Variants in SSBP2 observed in about 807,000 individuals in gnomAD.
SSBP2 encodes single-stranded DNA-binding protein 2.
A neutral mutation model predicts 61.8 loss-of-function variants in SSBP2; 17 were observed. The observed-to-expected ratio is 0.28, with a 90% CI of 0.19 to 0.41. SSBP2 has a LOEUF of 0.41. Among genes scored for constraint, SSBP2 ranks in the 10% least tolerant of loss-of-function variants. The probability of loss-of-function intolerance (pLI) is 1.00; values close to 1 mark genes in which losing one functional copy is unlikely to be tolerated. For synonymous variants in SSBP2, 139 were observed against 141.3 expected, an observed-to-expected ratio of 0.98 and a Z score of 0.12; for missense variants, 310 against 458.7, an observed-to-expected ratio of 0.68 and a Z score of 2.96.
chr5:81,724,336 T>C (rs1755735050), intron 1 of SSBP2, among the ~76,000 whole-genome samples: 1 of 152,068 alleles, frequency 6.6e-6, no homozygotes, highest in African/African-American at 2.4e-5. Flanking sequence ...AATTACTCCA[T>C]AATGATCTTT....
chr5:81,656,130 C>A (rs1750187559), intron 1 of SSBP2, among the ~76,000 whole-genome samples: 1 of 152,164 alleles, frequency 6.6e-6, no homozygotes, highest in Non-Finnish European at 1.5e-5. Context: ...TGGCTCACTG[C>A]AACCTCTGCC....
chr5:81,504,401 C>G (rs1429288687), intron 5 of SSBP2, among the ~76,000 whole-genome samples: 6 of 152,174 alleles, frequency 3.9e-5, no homozygotes, highest in Admixed American at 3.9e-4. Flanking sequence ...TTTCTGTTAT[C>G]TATGACTTCC....
intron 1 of SSBP2, among the ~76,000 whole-genome samples, chr5:81,664,116 G>A (rs1438280678): frequency 7.3e-6 from 1 of 137,436 alleles, no homozygotes; most frequent in Non-Finnish European, 1.6e-5. Context: ...TTTTTTTTTT[G>A]TTTTTTGTTT....
rs1299980120 is a variant in SSBP2 at position 81,415,422 on chromosome 5, A to G, written c.*5082T>C. 6.6e-6 allele frequency: 1 copy of G among 152,214 alleles called. No individual in the cohort carries two copies. Among genetic ancestry groups the G allele is most frequent in the Non-Finnish European group, 1.5e-5 (1 of 68,036 alleles). 9.4% of individuals were successfully genotyped at this position (152,214 alleles called of 1,614,324 possible). A position where few individuals can be genotyped will look rare whatever the true frequency, so the allele number is the denominator to read the frequency against. Reference sequence around the variant, plus strand: ...ATACTTCAAATCATCTCGTTTACTTATAATACCTAATACAATGTATTATAA... The same window carrying G: ...ATACTTCAAATCATCTCGTTTACTTGTAATACCTAATACAATGTATTATAA... On this transcript the variant is annotated 3_prime_UTR_variant, in exon 17 of 17. Coordinates refer to ENST00000320672, the MANE Select transcript of SSBP2 (RefSeq NM_012446.5).
At chr5:81,625,122 T>A (rs760801064) in intron 3 of SSBP2, among the ~76,000 whole-genome samples, 1 of 151,684 alleles carries the variant, frequency 6.6e-6, no homozygotes, top group African/African-American at 2.4e-5. Flanking sequence ...TGCTTTTGGC[T>A]GATATTATGA....
At chr5:81,679,764 T>G (rs931813938) in intron 1 of SSBP2, among the ~76,000 whole-genome samples, 2 of 152,152 alleles carry the variant, frequency 1.3e-5, no homozygotes, top group East Asian at 1.9e-4. Flanking sequence ...ACTGTGATGG[T>G]TAAGTCTTAC....
intron 4 of SSBP2, among the ~76,000 whole-genome samples, chr5:81,560,827 T>C (rs192242519): frequency 6.6e-6 from 1 of 152,316 alleles, no homozygotes; most frequent in East Asian, 1.9e-4. Flanking sequence ...TTTAATAACA[T>C]ATGATGTTTT....
At chr5:81,638,641 T>C (rs1561639496) in intron 2 of SSBP2, among the ~76,000 whole-genome samples, 2 of 152,038 alleles carry the variant, frequency 1.3e-5, no homozygotes, top group African/African-American at 4.8e-5. Context: ...TACATCATCA[T>C]TGTCACCAGC....
chr5:81,689,935 C>CA (rs1172292056), intron 1 of SSBP2, among the ~76,000 whole-genome samples: 3 of 151,702 alleles, frequency 2.0e-5, no homozygotes, highest in Non-Finnish European at 4.4e-5. Context: ...TAAATAGAAA[C>CA]AAAAAATGTT....
chr5:81,559,576 C>T (rs941027210), intron 4 of SSBP2, among the ~76,000 whole-genome samples: 3 of 151,600 alleles, frequency 2.0e-5, no homozygotes, highest in African/African-American at 7.3e-5. Context: ...TTATAAGAAA[C>T]AAATAATAGA....
chr5:81,486,477 A>AT (rs201568800), intron 6 of SSBP2, among the ~76,000 whole-genome samples: 2,056 of 152,270 alleles, frequency 0.014, 22 homozygotes, highest in South Asian at 0.022. Flanking sequence ...GAGGTCAAAA[A>AT]TTCTAATAAC....
intron 4 of SSBP2, among the ~76,000 whole-genome samples, chr5:81,538,976 T>TTA (rs1256284741): frequency 6.6e-6 from 1 of 152,226 alleles, no homozygotes; most frequent in Non-Finnish European, 1.5e-5. Context: ...GGCGTAACTT[T>TTA]GACTTTCAAG....
chr5:81,712,032 C>T (rs1442243851), intron 1 of SSBP2, among the ~76,000 whole-genome samples: 1 of 151,082 alleles, frequency 6.6e-6, no homozygotes, highest in East Asian at 1.9e-4. Flanking sequence ...GTTTAAACAC[C>T]ATACTGAATC....
In SSBP2 at chr5:81,414,380, G is replaced by A. The variant is rs1761232500; in HGVS notation, c.*6124C>T. ...AAAACCAATTATACTAAGTTAACAG[G>A]GAAAATTTAACAGAGGAAATTCTCC... is the stretch of plus-strand genomic sequence containing the variant. On this transcript the variant is annotated 3_prime_UTR_variant, in exon 17 of 17. Transcript: ENST00000320672. 6.6e-6 allele frequency: 1 copy of A among 151,854 alleles called. No homozygotes were observed. Among genetic ancestry groups the A allele is most frequent in the South Asian group, 2.1e-4 (1 of 4,818 alleles). 9.4% of individuals were successfully genotyped at this position (151,854 alleles called of 1,614,324 possible).
chr5:81,713,146 G>C (rs1300892243), intron 1 of SSBP2, among the ~76,000 whole-genome samples: 1 of 151,990 alleles, frequency 6.6e-6, no homozygotes, highest in African/African-American at 2.4e-5. Context: ...ATACTAAACA[G>C]ACAAAAGAGC....
rs145096856 is a variant in SSBP2 at position 81,483,754 on chromosome 5, CAT to C, written c.432+5494_432+5495del. ...CCCTATAGCACAACTCACCATTTGA[CAT>C]ATATATATACACACACACACACACA... On this transcript the variant is annotated intron_variant, in intron 6 of 16. Transcript: ENST00000320672. Among the ~76,000 whole-genome samples the C allele has an allele frequency of 8.2e-3, 1,234 of 150,776 alleles. 9 individuals are homozygous for C. The highest frequency in any genetic ancestry group is 0.012 in the Non-Finnish European group (801 of 67,804).
chr5:81,472,503 T>A (rs1765314788), intron 8 of SSBP2, among the ~76,000 whole-genome samples: 1 of 152,214 alleles, frequency 6.6e-6, no homozygotes, highest in African/African-American at 2.4e-5. Context: ...GAAATATGAT[T>A]GTAAAGAATA....
intron 10 of SSBP2, among the ~76,000 whole-genome samples, chr5:81,450,724 T>C (rs1763713829): frequency 6.6e-6 from 1 of 152,212 alleles, no homozygotes; most frequent in African/African-American, 2.4e-5. Context: ...ATTTCTCTAT[T>C]AGTTTATAAC....
chr5:81,482,990 A>G (rs1357377457), intron 6 of SSBP2, among the ~76,000 whole-genome samples: 1 of 152,146 alleles, frequency 6.6e-6, no homozygotes, highest in Non-Finnish European at 1.5e-5. Flanking sequence ...CCCAATTTCA[A>G]TACTGTTGTG....
Sources: gnomAD v4.1 joint callset for allele counts (sites outside exome capture counted in the v4.1 genomes callset) on GRCh38, gnomAD v4.1.1 for gene constraint, MANE v1.5 for transcripts, NCBI Gene and HGNC (gene_info 2026-07-23, HGNC 2026-07-21) for gene names.